Variants in SASH1 observed in about 807,000 individuals in gnomAD.
SASH1 encodes the protein SAM and SH3 domain-containing protein 1.
In SASH1, 44 loss-of-function variants were observed where a neutral mutation model predicts 125.2. The observed-to-expected ratio is 0.35, with a 90% CI of 0.28 to 0.45. The LOEUF is 0.45. Ranked by LOEUF, SASH1 falls within the 20% of genes least tolerant of loss-of-function variation. The pLI is 1.00. For missense variants in SASH1, 1,426 were observed against 1,614.5 expected, an observed-to-expected ratio of 0.88 and a Z score of 2.00; for synonymous variants, 639 against 649.1, an observed-to-expected ratio of 0.98 and a Z score of 0.24.
At chr6:148,309,307 T>C (rs1039023626) in intron 1 of SASH1, among the ~76,000 whole-genome samples, 1 of 152,126 alleles carries the variant, frequency 6.6e-6, no homozygotes, top group Non-Finnish European at 1.5e-5. Context: ...TAAGCAGTGG[T>C]TTGCTGGCTT....
chr6:148,204,884 T>G, the SASH1 span, among the ~76,000 whole-genome samples: 1 of 152,174 alleles, frequency 6.6e-6, no homozygotes, highest in African/African-American at 2.4e-5. Flanking sequence ...TACCTTACAT[T>G]TGCATGAGCT....
In SASH1 at chr6:148,281,822, C is replaced by G. The variant is rs570157059; in HGVS notation, n.74+9445C>G. Among the ~76,000 whole-genome samples, 3 of 151,790 alleles carry G rather than the reference C, an allele frequency of 2.0e-5. No individual in the cohort carries two copies. In the South Asian group the frequency reaches 6.2e-4, roughly 32 times the overall value. On this transcript the variant is annotated intron_variant and non_coding_transcript_variant, in intron 1 of 3. Transcript: ENST00000367469. The stretch of plus-strand genomic sequence containing the variant: ...CCTATGGTCCCAGCTACTCAGGAGG[C>G]AGAGGCAGGAGAATTGCTTGAACCG...
chr6:148,445,188 T>C (rs1776718027), intron 4 of SASH1, among the ~76,000 whole-genome samples: 1 of 152,210 alleles, frequency 6.6e-6, no homozygotes, highest in African/African-American at 2.4e-5. Context: ...GGCAGGATCT[T>C]TGACCTGTAT....
chr6:148,462,465 A>T (rs922471268), intron 4 of SASH1, among the ~76,000 whole-genome samples: 2 of 152,120 alleles, frequency 1.3e-5, no homozygotes, highest in Non-Finnish European at 2.9e-5. Flanking sequence ...GTCTGGATGT[A>T]GCTTAGACTA....
chr6:148,510,738 G>A (rs963893805), intron 8 of SASH1, among the ~76,000 whole-genome samples: 4 of 152,080 alleles, frequency 2.6e-5, no homozygotes, highest in Non-Finnish European at 4.4e-5. Flanking sequence ...GTTCATGCCT[G>A]TAATCCCAGC....
intron 17 of SASH1, 51 bp downstream of exon 17, chr6:148,540,607 A>G: frequency 7.3e-7 from 1 of 1,371,814 alleles, no homozygotes. Context: ...TACTGATTTC[A>G]AAGCACAGTT....
At chr6:148,514,528 G>A in intron 9 of SASH1, 72 bp downstream of exon 9, 13 of 1,390,934 alleles carry the variant, frequency 9.3e-6, no homozygotes, top group African/African-American at 4.7e-5. Flanking sequence ...ATCATTTGGG[G>A]TCAGTTTCTC....
chr6:148,527,313 C>A, intron 11 of SASH1, 140 bp from the exon 12 acceptor site: 1 of 664,580 alleles, frequency 1.5e-6, no homozygotes, highest in Non-Finnish European at 2.3e-6. Flanking sequence ...TAAATAATAG[C>A]ACTGAGTTAA....
intron 1 of SASH1, among the ~76,000 whole-genome samples, chr6:148,371,424 ATT>A (rs796355261): frequency 3.5e-5 from 5 of 141,592 alleles, no homozygotes; most frequent in African/African-American, 5.2e-5. Flanking sequence ...ACCTAGCTAA[ATT>A]TTTTTTTTTT....
chr6:148,304,339 G>A (rs1352905761), intron 1 of SASH1, among the ~76,000 whole-genome samples: 1 of 152,048 alleles, frequency 6.6e-6, no homozygotes, highest in Non-Finnish European at 1.5e-5. Context: ...GGAGGCTGAG[G>A]CAGGAGAATG....
chr6:148,382,150 G>A (rs970753807), intron 1 of SASH1, among the ~76,000 whole-genome samples: 1 of 152,152 alleles, frequency 6.6e-6, no homozygotes, highest in Non-Finnish European at 1.5e-5. Flanking sequence ...GAAGGTTGGT[G>A]TAGGATGCCA....
intron 1 of SASH1, among the ~76,000 whole-genome samples, chr6:148,329,196 A>C (rs916586745): frequency 6.6e-6 from 1 of 152,224 alleles, no homozygotes; most frequent in African/African-American, 2.4e-5. Context: ...CATTCATTAG[A>C]TAGCTAGCAC....
At position 148,548,579 on chromosome 6, in the gene SASH1, T is replaced by C. The variant is rs943697766; in HGVS notation, c.*21T>C. 5.7e-6 allele frequency: 9 copies of C among 1,569,806 alleles called. No homozygotes were observed. The highest frequency in any genetic ancestry group is 7.8e-6 in the Non-Finnish European group (9 of 1,160,666). ...TGTAGCCAGGCCCGGAATGGGCCTC[T>C]CTGGACAAGAGCCACCCTTTCACTG... On this transcript the variant is annotated 3_prime_UTR_variant, in exon 20 of 20. Transcript: ENST00000367467.
At chr6:148,462,445 A>G (rs1777656782) in intron 4 of SASH1, among the ~76,000 whole-genome samples, 3 of 152,074 alleles carry the variant, frequency 2.0e-5, no homozygotes, top group Non-Finnish European at 2.9e-5. Context: ...AACGAGATAG[A>G]GTTGTCTTTG....
intron 2 of SASH1, among the ~76,000 whole-genome samples, chr6:148,406,046 A>G (rs1784357597): frequency 1.3e-5 from 2 of 152,242 alleles, no homozygotes; most frequent in Non-Finnish European, 2.9e-5. Flanking sequence ...TGCCTATGCC[A>G]CACCGATTTC....
chr6:148,407,923 G>C (rs1045919542), intron 2 of SASH1, among the ~76,000 whole-genome samples: 1 of 151,442 alleles, frequency 6.6e-6, no homozygotes, highest in African/African-American at 2.4e-5. Context: ...GTGAGCCACC[G>C]CACCCAGCTA....
chr6:148,421,173 G>GA (rs779974346), intron 2 of SASH1, among the ~76,000 whole-genome samples: 4 of 139,314 alleles, frequency 2.9e-5, no homozygotes, highest in Non-Finnish European at 4.7e-5. Context: ...AAGAAAGAAA[G>GA]AAAGAAAGAA....
chr6:148,427,552 G>A (rs1383890354), intron 2 of SASH1, among the ~76,000 whole-genome samples: 1 of 151,920 alleles, frequency 6.6e-6, no homozygotes, highest in Non-Finnish European at 1.5e-5. Context: ...CTTGGTATGT[G>A]GTATGCACTC....
At chr6:148,451,334 A>G (rs6941174) in intron 4 of SASH1, among the ~76,000 whole-genome samples, 67,428 of 152,086 alleles carry the variant, frequency 0.44, 15,235 homozygotes, top group Non-Finnish European at 0.51. Context: ...GGTGTGAATA[A>G]AAAGTGCTTT....
Sources: allele counts gnomAD v4.1 joint callset (sites outside exome capture counted in the v4.1 genomes callset), GRCh38; gene constraint gnomAD v4.1.1; transcripts MANE v1.5; gene names NCBI Gene and HGNC (gene_info 2026-07-23, HGNC 2026-07-21).